Variants in PIWIL3 observed in about 807,000 individuals in gnomAD.
PIWIL3 encodes the protein piwi-like protein 3.
In PIWIL3, 101 loss-of-function variants were observed where a neutral mutation model predicts 109.7. The observed-to-expected ratio is 0.92, with a 90% CI of 0.78 to 1.09. The LOEUF (loss-of-function observed/expected upper bound fraction) is 1.09. PIWIL3 is among the 50% of genes least tolerant of loss of function. PIWIL3 has a pLI of 0.00. For synonymous variants in PIWIL3, 373 were observed against 376.4 expected (o/e 0.99, Z 0.10); for missense variants, 1,031 against 1,072.6 (o/e 0.96, Z 0.54).
chr22:24,746,966 A>G (rs1384358857), intron 12 of PIWIL3, among the ~76,000 whole-genome samples: 1 of 152,104 alleles, frequency 6.6e-6, no homozygotes, highest in Non-Finnish European at 1.5e-5. Flanking sequence ...CTTTATAGAA[A>G]CAGAAAAAAC....
At chr22:24,726,291 T>C (rs951178289) in intron 16 of PIWIL3, among the ~76,000 whole-genome samples, 5 of 151,936 alleles carry the variant, frequency 3.3e-5, no homozygotes, top group African/African-American at 7.2e-5. Flanking sequence ...TTCTTTCTTT[T>C]TTTTTTTTTG....
chr22:24,761,145 G>A (rs1420324438), intron 2 of PIWIL3, among the ~76,000 whole-genome samples: 3 of 152,084 alleles, frequency 2.0e-5, no homozygotes, highest in African/African-American at 7.2e-5. Context: ...GGGGTGTTAG[G>A]TGGTGCAGGA....
chr22:24,738,117 C>T (rs549193608), intron 12 of PIWIL3, among the ~76,000 whole-genome samples: 119 of 152,190 alleles, frequency 7.8e-4, no homozygotes, highest in Non-Finnish European at 1.2e-3. Flanking sequence ...CACCACTGCA[C>T]TCCAGCCTAG....
rs979277683 is a variant in PIWIL3, at chr22:24,755,534, A to G, written c.692+250T>C. On this transcript the variant is annotated intron_variant, in intron 6 of 20. Transcript: ENST00000616349. ...ACACAGATGTGCACAGCTGATGTCT[A>G]TTACTCTTTCTAGGCAGGTATGAGA... 2.8e-4 allele frequency among the ~76,000 whole-genome samples: 42 copies of G among 151,740 alleles called. 1 individual carries two copies. Among genetic ancestry groups the G allele is most frequent in the African/African-American group, 9.4e-4 (39 of 41,356 alleles).
intron 11 of PIWIL3, among the ~76,000 whole-genome samples, 181 bp from the exon 12 acceptor site, chr22:24,749,202 T>TTATA (rs1271723371): frequency 9.8e-5 from 15 of 152,342 alleles, no homozygotes; most frequent in African/African-American, 3.6e-4. Context: ...ATATAGGTAC[T>TTATA]TATAGCCTTT....
At chr22:24,773,669 T>C (rs1926255448) in intron 1 of PIWIL3, among the ~76,000 whole-genome samples, 1 of 151,840 alleles carries the variant, frequency 6.6e-6, no homozygotes. Flanking sequence ...TTTTTAAAAG[T>C]AGGTTATTAA....
At position 24,721,672 on chromosome 22, in the gene PIWIL3, C is replaced by T. The variant is rs140111318; in HGVS notation, c.2357+1458G>A. 2.8e-3 allele frequency among the ~76,000 whole-genome samples: 431 copies of T among 152,194 alleles called. 4 individuals carry two copies. Among genetic ancestry groups the T allele is most frequent in the African/African-American group, 9.6e-3 (399 of 41,528 alleles). ...TTTAACCCTTCCACTGATTTTTCTTCGTTTTGACTATATTCATGTTTGTTA... is the reference window on the plus strand; with the variant it reads ...TTTAACCCTTCCACTGATTTTTCTTTGTTTTGACTATATTCATGTTTGTTA... On this transcript the variant is annotated intron_variant, in intron 19 of 20. Transcript: ENST00000616349.
chr22:24,764,090 G>C (rs900966205), intron 1 of PIWIL3, among the ~76,000 whole-genome samples: 2 of 152,212 alleles, frequency 1.3e-5, no homozygotes, highest in African/African-American at 4.8e-5. Flanking sequence ...GACCAGCCCA[G>C]CCTCCCGCAA....
intron 2 of PIWIL3, 62 bp downstream of exon 2, chr22:24,762,336 T>TA: frequency 6.4e-7 from 1 of 1,553,210 alleles, no homozygotes; most frequent in Non-Finnish European, 8.7e-7. Context: ...CAACCAACTC[T>TA]ATGTTCTTTT....
intron 1 of PIWIL3, among the ~76,000 whole-genome samples, chr22:24,764,999 C>G (rs1925704678): frequency 6.6e-6 from 1 of 152,092 alleles, no homozygotes; most frequent in South Asian, 2.1e-4. Flanking sequence ...AAAAGATAAA[C>G]CTGGAGATAA....
chr22:24,754,215 G>T lies in PIWIL3; in HGVS notation c.776C>A (p.Thr259Asn). The change falls in exon 8 of 21, where the codon ACC becomes AAC. Residue 259 changes from threonine to asparagine, a missense_variant and splice_region_variant. Physicochemically the swap from Thr to Asn is moderately conservative, Grantham distance 65 (BLOSUM62 0). Transcript: ENST00000616349. ...ATAACCAAGCCAGATTTCCAAACTG[G>T]TACTAGAATAAATTACATGAGAGTA... ...KKAIQLYRHG[T>N]SLEIWLGYVT... 6.2e-7 allele frequency: 1 copy of T among 1,610,142 alleles called. No homozygotes were observed. The highest frequency in any genetic ancestry group is 8.5e-7 in the Non-Finnish European group (1 of 1,176,530).
At chr22:24,735,633 A>C in intron 13 of PIWIL3, 75 bp downstream of exon 13, 3 of 1,386,538 alleles carry the variant, frequency 2.2e-6, no homozygotes, top group Admixed American at 2.4e-5. Flanking sequence ...CAATTCCTAC[A>C]ATTTAATATT....
chr22:24,749,053 A>G (rs766476369), intron 11 of PIWIL3, 32 bp from the exon 12 acceptor site: 2 of 1,525,126 alleles, frequency 1.3e-6, no homozygotes, highest in Admixed American at 1.7e-5. Flanking sequence ...ACATGATCAA[A>G]CCAAATAAGT....
chr22:24,758,918 C>T (rs1228773445), intron 3 of PIWIL3, among the ~76,000 whole-genome samples: 3 of 145,434 alleles, frequency 2.1e-5, no homozygotes, highest in Admixed American at 1.5e-4. Context: ...TCTTTTCAGA[C>T]GGAGTCTAAC....
chr22:24,766,467 C>T (rs751519959), intron 1 of PIWIL3, among the ~76,000 whole-genome samples: 1 of 151,660 alleles, frequency 6.6e-6, no homozygotes, highest in East Asian at 1.9e-4. Context: ...TACAGGCGCC[C>T]GCCACCAGGC....
In PIWIL3 at chr22:24,733,785, G is replaced by T. The variant is rs183652758; in HGVS notation, c.1707+299C>A. Among the ~76,000 whole-genome samples, 580 of 152,158 alleles carry T rather than the reference G, an allele frequency of 3.8e-3. 4 individuals carry two copies. Among genetic ancestry groups the T allele is most frequent in the African/African-American group, 0.013 (545 of 41,516 alleles). ...CAGACTTGGCAGGTTACACCTGCGGGTAAAAGTAATGAATGTGATTATTAA... is the reference window on the plus strand; with the variant it reads ...CAGACTTGGCAGGTTACACCTGCGGTTAAAAGTAATGAATGTGATTATTAA... On this transcript the variant is annotated intron_variant, in intron 14 of 20. Transcript: ENST00000616349.
At position 24,719,510 on chromosome 22, in the gene PIWIL3, G is replaced by T; in HGVS notation, c.2584C>A (p.Pro862Thr). ...AGACGAGTTGACAAGGAACGATTCG[G>T]TTCCTGGTGAATGGACTGCCCCACG... ...YLVGQSIHQE[P>T]NRSLSTRLFY... Residue 862 changes from proline to threonine, a missense_variant, in exon 21 of 21, where the codon CCG becomes ACG. Pro to Thr is a conservative substitution (Grantham distance 38). Coordinates refer to ENST00000616349, the MANE Select transcript of PIWIL3 (RefSeq NM_001255975.1). 1 of 1,604,420 alleles carries T rather than the reference G, an allele frequency of 6.2e-7. No homozygotes were observed. Among genetic ancestry groups the T allele is most frequent in the Non-Finnish European group, 8.5e-7 (1 of 1,176,836 alleles).
At chr22:24,727,371 A>C (rs775484385) in intron 16 of PIWIL3, among the ~76,000 whole-genome samples, 6 of 152,228 alleles carry the variant, frequency 3.9e-5, no homozygotes, top group Admixed American at 1.3e-4. Context: ...TGATGGCCAA[A>C]GAGGAGGTCA....
In PIWIL3 at chr22:24,735,690, A is replaced by G; in HGVS notation, c.1634+18T>C. 1.3e-6 allele frequency: 2 copies of G among 1,555,792 alleles called. No homozygotes were observed. The highest frequency in any genetic ancestry group is 1.7e-6 in the Non-Finnish European group (2 of 1,154,716). ...TGCTAACAATCGATTTTCAAATGGGAATTTCTGCTCTACTTACATTTCTGC... is the reference window on the plus strand; with the variant it reads ...TGCTAACAATCGATTTTCAAATGGGGATTTCTGCTCTACTTACATTTCTGC... On this transcript the variant is annotated intron_variant, in intron 13 of 20. Coordinates refer to ENST00000616349, the MANE Select transcript of PIWIL3 (RefSeq NM_001255975.1).
Sources: allele counts gnomAD v4.1 joint callset (sites outside exome capture counted in the v4.1 genomes callset), GRCh38; gene constraint gnomAD v4.1.1; transcripts MANE v1.5; gene names NCBI Gene and HGNC (gene_info 2026-07-23, HGNC 2026-07-21).